The following TCP11L1 variants were observed in gnomAD, a reference collection of about 807,000 sequenced individuals.
TCP11L1 encodes the protein T-complex protein 11-like protein 1.
Under a neutral mutation model 48.9 loss-of-function variants are expected in TCP11L1, and 28 were observed. That is an observed-to-expected ratio of 0.57 (90% confidence interval 0.42 to 0.78). The LOEUF is 0.78. Among genes scored for constraint, TCP11L1 ranks in the 30% least tolerant of loss-of-function variants. The probability of loss-of-function intolerance (pLI) is 0.00; values close to 1 mark genes in which losing one functional copy is unlikely to be tolerated. For missense variants in TCP11L1, 505 were observed against 613.4 expected, an observed-to-expected ratio of 0.82 and a Z score of 1.87; for synonymous variants, 204 against 231.9, an observed-to-expected ratio of 0.88 and a Z score of 1.09.
chr11:33,054,662 T>C lies in TCP11L1; in HGVS notation c.233T>C (p.Leu78Pro). 6.2e-7 allele frequency: 1 copy of C among 1,613,980 alleles called. No homozygotes were observed. Among genetic ancestry groups the C allele is most frequent in the Non-Finnish European group, 8.5e-7 (1 of 1,179,904 alleles). Residue 78 changes from leucine to proline, a missense_variant, in exon 3 of 10, where the codon CTA (leucine) becomes CCA (proline). By Grantham distance (98) the Leu-to-Pro change is moderately conservative. This residue lies in a region of TCP11L1 where 168 missense variants were observed against 183.5 expected (regional missense o/e 0.92). Transcript: ENST00000334274. ...GCGAGAGGTGTCACCAACATGGCTC[T>C]AGCCCATGAAATTGTAGTAAATGGA... is the stretch of plus-strand genomic sequence containing the variant. ...ETARGVTNMA[L>P]AHEIVVNGDF...
intron 8 of TCP11L1, among the ~76,000 whole-genome samples, chr11:33,068,057 C>T (rs1286887700): frequency 1.3e-5 from 2 of 152,016 alleles, no homozygotes; most frequent in African/African-American, 4.8e-5. Flanking sequence ...GCTGGGATTA[C>T]AGGCACCTAT....
At chr11:33,065,537 A>G (rs1854589098) in intron 7 of TCP11L1, among the ~76,000 whole-genome samples, 1 of 152,216 alleles carries the variant, frequency 6.6e-6, no homozygotes, top group Non-Finnish European at 1.5e-5. Context: ...CGCTGGGATT[A>G]CAGGCGTGAG....
intron 2 of TCP11L1, among the ~76,000 whole-genome samples, chr11:33,047,508 A>G (rs1422381887): frequency 6.6e-6 from 1 of 152,234 alleles, no homozygotes; most frequent in Non-Finnish European, 1.5e-5. Flanking sequence ...ACAAACATCA[A>G]TTGTTATTCC....
intron 2 of TCP11L1, among the ~76,000 whole-genome samples, chr11:33,051,368 C>G (rs537341599): frequency 6.6e-6 from 1 of 151,776 alleles, no homozygotes; most frequent in Non-Finnish European, 1.5e-5. Flanking sequence ...GGGGTTTCAC[C>G]GTGTTAGCCA....
intron 8 of TCP11L1, among the ~76,000 whole-genome samples, chr11:33,066,546 T>A (rs1854625656): frequency 6.6e-6 from 1 of 151,714 alleles, no homozygotes; most frequent in Non-Finnish European, 1.5e-5. Context: ...GGCTTAGAGG[T>A]CCCGCGGCCC....
chr11:33,068,565 A>T, intron 8 of TCP11L1, 122 bp from the exon 9 acceptor site: 1 of 1,252,188 alleles, frequency 8.0e-7, no homozygotes, highest in South Asian at 1.4e-5. Context: ...AAGAGTCTCA[A>T]ATTGTCCCTT....
intron 6 of TCP11L1, among the ~76,000 whole-genome samples, chr11:33,060,581 G>A (rs1299932306): frequency 1.3e-5 from 2 of 152,152 alleles, no homozygotes; most frequent in African/African-American, 4.8e-5. Flanking sequence ...CAGATGATGT[G>A]TGAGATCCTC....
chr11:33,048,377 C>T (rs1169764427), intron 2 of TCP11L1, among the ~76,000 whole-genome samples: 2 of 152,096 alleles, frequency 1.3e-5, no homozygotes, highest in South Asian at 2.1e-4. Context: ...GAGGTGAAGA[C>T]GTGTTGTCCA....
At chr11:33,052,118 A>T (rs574557688) in intron 2 of TCP11L1, among the ~76,000 whole-genome samples, 12 of 152,292 alleles carry the variant, frequency 7.9e-5, no homozygotes, top group East Asian at 7.7e-4. Flanking sequence ...GAGGGAGAGG[A>T]TCAAGAAAAA....
intron 9 of TCP11L1, among the ~76,000 whole-genome samples, chr11:33,071,123 C>T (rs983157536): frequency 2.2e-4 from 33 of 148,614 alleles, no homozygotes; most frequent in Non-Finnish European, 4.2e-4. Flanking sequence ...AAGACCAGCC[C>T]GGGCAACATG....
chr11:33,044,742 C>T (rs985788088), intron 2 of TCP11L1, among the ~76,000 whole-genome samples: 8 of 152,124 alleles, frequency 5.3e-5, no homozygotes, highest in African/African-American at 1.9e-4. Flanking sequence ...CATTAATGGA[C>T]CCTATTTTAT....
intron 1 of TCP11L1, chr11:33,040,817 C>G (rs573592416): frequency 3.4e-4 from 51 of 152,000 alleles, no homozygotes; most frequent in African/African-American, 1.1e-3. Flanking sequence ...AGGTGAAATC[C>G]TACTCCTTTT....
At chr11:33,060,351 G>A (rs889091661) in intron 6 of TCP11L1, among the ~76,000 whole-genome samples, 1 of 152,150 alleles carries the variant, frequency 6.6e-6, no homozygotes, top group African/African-American at 2.4e-5. Context: ...TCCCAAAGCT[G>A]GGGGGTTACG....
At chr11:33,046,456 G>T (rs1260599068) in intron 2 of TCP11L1, among the ~76,000 whole-genome samples, 2 of 152,160 alleles carry the variant, frequency 1.3e-5, no homozygotes, top group East Asian at 3.9e-4. Context: ...ACTTATCCTG[G>T]GACCTATGAT....
chr11:33,068,638 T>C, intron 8 of TCP11L1, 49 bp from the exon 9 acceptor site: 1 of 1,592,772 alleles, frequency 6.3e-7, no homozygotes, highest in Non-Finnish European at 8.6e-7. Context: ...TTGGAGCTGG[T>C]TAGAGGTGTA....
chr11:33,066,337 ATT>A (rs1564987361), intron 8 of TCP11L1, among the ~76,000 whole-genome samples: 14 of 152,206 alleles, frequency 9.2e-5, no homozygotes, highest in Admixed American at 2.0e-4. Flanking sequence ...GTAGGGAGCC[ATT>A]GAAGGATTTG....
chr11:33,063,627 T>G (rs977966963), intron 7 of TCP11L1, among the ~76,000 whole-genome samples: 1 of 152,220 alleles, frequency 6.6e-6, no homozygotes, highest in Non-Finnish European at 1.5e-5. Context: ...CAAGACCTCT[T>G]TAAGAAGATG....
chr11:33,046,736 A>G (rs1854006884), intron 2 of TCP11L1, among the ~76,000 whole-genome samples: 1 of 152,036 alleles, frequency 6.6e-6, no homozygotes, highest in South Asian at 2.1e-4. Flanking sequence ...TATTGAACAC[A>G]TAGAGCATAA....
Position 33,073,165 on chromosome 11 carries a change from T to A in TCP11L1, c.*489T>A, listed in dbSNP as rs1854846205. ...GCTATATAACGTCTTATTGCCATTT[T>A]CTCCCCCTATTTATTGCTTCCTCCC... On this transcript the variant is annotated 3_prime_UTR_variant, in exon 10 of 10. Transcript: ENST00000334274. The A allele has an allele frequency of 6.4e-6, 1 of 155,578 alleles. No homozygotes were observed. Among genetic ancestry groups the A allele is most frequent in the Non-Finnish European group, 1.4e-5 (1 of 69,984 alleles). The allele number at this position is 155,578 out of a possible 1,614,324, so 9.6% of individuals were successfully genotyped here.
Sources: allele counts gnomAD v4.1 joint callset (sites outside exome capture counted in the v4.1 genomes callset), GRCh38; gene constraint gnomAD v4.1.1; regional missense constraint gnomAD v4.1.1; transcripts MANE v1.5; gene names NCBI Gene and HGNC (gene_info 2026-07-23, HGNC 2026-07-21).